SLC6A16: variants seen among roughly 807,000 people sequenced by gnomAD.
SLC6A16 encodes solute carrier family 6 member 16.
Under a neutral mutation model 65.4 loss-of-function variants are expected in SLC6A16, and 54 were observed. The ratio of observed to expected loss-of-function variants is 0.83; its 90% CI spans 0.66 to 1.04. The LOEUF (loss-of-function observed/expected upper bound fraction) is 1.04. Ranked by LOEUF, SLC6A16 falls within the 50% of genes least tolerant of loss-of-function variation. The pLI is 0.00. For missense variants in SLC6A16, 816 were observed against 914.0 expected (o/e 0.89, Z 1.38); for synonymous variants, 330 against 346.5 (o/e 0.95, Z 0.53).
chr19:49,292,404 A>T lies in SLC6A16; in HGVS notation c.1778+819T>A, dbSNP rs544742562. Among the ~76,000 whole-genome samples the T allele has an allele frequency of 9.2e-5, 14 of 152,222 alleles. No homozygotes were observed. The highest frequency in any genetic ancestry group is 3.1e-4 in the African/African-American group (13 of 41,540). ...AAAAAGAAATATTACATAGCTTCCA[A>T]CTCTTATCCTGGCTTCACTCTTGAC... On this transcript the variant is annotated intron_variant, in intron 10 of 11. Transcript: ENST00000335875. This position sits in a 1 kb window ranked among gnomAD's most constrained non-coding sequence, Gnocchi z 4.3.
Position 49,308,861 on chromosome 19 carries a change from A to G in SLC6A16, c.1229+15T>C. ...TCCCTGGAGCTGAGACCCTTAACAAAGGGGCCGGCCTTACCTCTCACAGCA... is the reference window on the plus strand; with the variant it reads ...TCCCTGGAGCTGAGACCCTTAACAAGGGGGCCGGCCTTACCTCTCACAGCA... On this transcript the variant is annotated intron_variant, in intron 7 of 11. Coordinates refer to ENST00000335875, the MANE Select transcript of SLC6A16 (RefSeq NM_014037.3). 1 of 1,613,458 alleles carries G rather than the reference A, an allele frequency of 6.2e-7. No homozygotes were observed. Among genetic ancestry groups the G allele is most frequent in the Non-Finnish European group, 8.5e-7 (1 of 1,179,408 alleles).
the SLC6A16 span, chr19:49,340,019 C>T: frequency 6.8e-7 from 1 of 1,473,018 alleles, no homozygotes; most frequent in Non-Finnish European, 9.0e-7. Context: ...GGGCTTGCTT[C>T]CGACCTTACT....
At chr19:49,309,171 A>T in intron 6 of SLC6A16, 54 bp from the exon 7 acceptor site, 1 of 1,605,274 alleles carries the variant, frequency 6.2e-7, no homozygotes, top group Non-Finnish European at 8.5e-7. Context: ...GCAGAGGACA[A>T]CTATAATAGA....
At chr19:49,331,225 G>A in the SLC6A16 span, among the ~76,000 whole-genome samples, 1 of 152,034 alleles carries the variant, frequency 6.6e-6, no homozygotes, top group South Asian at 2.1e-4. Context: ...CTGTCATCCA[G>A]GCTGGAGTGC....
chr19:49,339,256 G>A, the SLC6A16 span: 1 of 1,355,232 alleles, frequency 7.4e-7, no homozygotes. The surrounding 1 kb of genome is among the most constrained non-coding windows in gnomAD (Gnocchi z 4.5). Flanking sequence ...GTGAGGGTTG[G>A]CCTGAAAAGA....
At chr19:49,338,841 A>G in the SLC6A16 span, 1 of 1,614,104 alleles carries the variant, frequency 6.2e-7, no homozygotes, top group South Asian at 1.1e-5. The surrounding 1 kb of genome is among the most constrained non-coding windows in gnomAD (Gnocchi z 5.0). Context: ...AGATAAGGTG[A>G]TCTTGCCCCA....
At chr19:49,307,734 G>A (rs383707) in intron 7 of SLC6A16, among the ~76,000 whole-genome samples, 57 of 60,736 alleles carry the variant, frequency 9.4e-4, no homozygotes, top group African/African-American at 2.0e-3. Flanking sequence ...CAAAAAAAAA[G>A]AAAAAGAAAA....
At chr19:49,336,646 C>A in the SLC6A16 span, 3 of 438,068 alleles carry the variant, frequency 6.8e-6, no homozygotes, top group East Asian at 4.3e-5. Context: ...AGTGATAGGG[C>A]TGAAACTACT....
At chr19:49,328,479 T>C (rs1040253313), upstream of SLC6A16, among the ~76,000 whole-genome samples, 2 of 152,050 alleles carry the variant, frequency 1.3e-5, no homozygotes, top group East Asian at 1.9e-4. Context: ...GGGCTAAAGA[T>C]AGAAGCAGAG....
intron 7 of SLC6A16, among the ~76,000 whole-genome samples, 164 bp from the exon 8 acceptor site, chr19:49,294,717 G>A (rs988717201): frequency 2.0e-5 from 3 of 152,102 alleles, no homozygotes; most frequent in African/African-American, 4.8e-5. Context: ...CTTCAGGGAC[G>A]TGAATTCGTT....
chr19:49,338,039 C>A, the SLC6A16 span: 1 of 1,613,234 alleles, frequency 6.2e-7, no homozygotes, highest in African/African-American at 1.3e-5. This position sits in a 1 kb window ranked among gnomAD's most constrained non-coding sequence, Gnocchi z 5.0. Context: ...GGTAAGCCCC[C>A]CTCCTCCAGT....
chr19:49,301,213 A>G (rs1356802829), intron 7 of SLC6A16, among the ~76,000 whole-genome samples: 1 of 152,186 alleles, frequency 6.6e-6, no homozygotes, highest in Non-Finnish European at 1.5e-5. Context: ...CCGAGCCAGC[A>G]CTGCTCAGCA....
the SLC6A16 span, chr19:49,339,815 T>C: frequency 7.4e-7 from 1 of 1,344,518 alleles, no homozygotes; most frequent in Non-Finnish European, 9.6e-7. This position sits in a 1 kb window ranked among gnomAD's most constrained non-coding sequence, Gnocchi z 4.5. Context: ...GGCTGGGGCA[T>C]GGCGGGTGCC....
Position 49,298,603 on chromosome 19 carries a change from T to A in SLC6A16, c.1230-4050A>T, listed in dbSNP as rs563572255. Among the ~76,000 whole-genome samples the A allele has an allele frequency of 2.0e-5, 3 of 152,324 alleles. No homozygotes were observed. The South Asian group carries it at 6.2e-4, about 32-fold the overall frequency. On this transcript the variant is annotated intron_variant, in intron 7 of 11. Coordinates refer to ENST00000335875, the MANE Select transcript of SLC6A16 (RefSeq NM_014037.3). Reference sequence around the variant, plus strand: ...AAAGGGAATGCTTATACACTGTTGCTGGGAATGTAAATTAGTTCAGCCACT... The same window carrying A: ...AAAGGGAATGCTTATACACTGTTGCAGGGAATGTAAATTAGTTCAGCCACT...
chr19:49,314,795 T>G (rs1970588202), intron 1 of SLC6A16, among the ~76,000 whole-genome samples: 1 of 152,096 alleles, frequency 6.6e-6, no homozygotes, highest in Non-Finnish European at 1.5e-5. Context: ...AGAAAACAAA[T>G]CTAAATTGAA....
chr19:49,327,660 A>C (rs1970812386), upstream of SLC6A16, among the ~76,000 whole-genome samples: 1 of 152,238 alleles, frequency 6.6e-6, no homozygotes, highest in African/African-American at 2.4e-5. Flanking sequence ...AAAGAAAGTA[A>C]ATGCCTAAAT....
At chr19:49,302,891 GA>G (rs1970315555) in intron 7 of SLC6A16, among the ~76,000 whole-genome samples, 1 of 151,990 alleles carries the variant, frequency 6.6e-6, no homozygotes, top group African/African-American at 2.4e-5. Flanking sequence ...GCAGAAGAAA[GA>G]ATAAGCAAAT....
chr19:49,340,167 C>T, the SLC6A16 span: 14 of 1,522,256 alleles, frequency 9.2e-6, no homozygotes, highest in Middle Eastern at 1.7e-4. Flanking sequence ...GGCCCCACCC[C>T]TGACCTTTCT....
intron 1 of SLC6A16, among the ~76,000 whole-genome samples, chr19:49,321,775 A>T (rs1970714963): frequency 6.6e-6 from 1 of 151,952 alleles, no homozygotes; most frequent in Non-Finnish European, 1.5e-5. Context: ...ATTTTTAATT[A>T]CCTGGGTGTG....
Sources: allele counts gnomAD v4.1 joint callset (sites outside exome capture counted in the v4.1 genomes callset), GRCh38; gene constraint gnomAD v4.1.1; non-coding constraint Gnocchi (gnomAD v3.1); transcripts MANE v1.5; gene names NCBI Gene and HGNC (gene_info 2026-07-23, HGNC 2026-07-21).